XPO1: variants seen among roughly 807,000 people sequenced by gnomAD.
XPO1 encodes the protein exportin 1.
XPO1 carries 5 observed loss-of-function variants against 133.3 expected under a neutral mutation model. The observed-to-expected ratio is 0.04, with a 90% CI of 0.02 to 0.08. The LOEUF is 0.08. Ranked by LOEUF, XPO1 falls within the 10% of genes least tolerant of loss-of-function variation. The probability of loss-of-function intolerance (pLI) is 1.00; values close to 1 mark genes in which losing one functional copy is unlikely to be tolerated. For synonymous variants in XPO1, 419 were observed against 408.2 expected, an observed-to-expected ratio of 1.03 and a Z score of -0.32; for missense variants, 506 against 1,267.5, an observed-to-expected ratio of 0.40 and a Z score of 9.12.
intron 4 of XPO1, among the ~76,000 whole-genome samples, chr2:61,516,293 G>A (rs564678249): frequency 8.0e-5 from 12 of 149,302 alleles, no homozygotes; most frequent in Middle Eastern, 6.9e-3. Flanking sequence ...CAACAACAGC[G>A]AAACTCCGCC....
rs1697268374 is a variant in XPO1 at position 61,496,940 on chromosome 2, A to G, written c.827T>C (p.Val276Ala). Residue 276 changes from valine to alanine, a missense_variant, in exon 10 of 25, where the codon GTA (valine) becomes GCA (alanine). Around this residue, in one of 6 missense-constraint regions of XPO1, gnomAD observed 134 missense variants for 261.6 expected, o/e 0.51. Coordinates refer to ENST00000401558, the MANE Select transcript of XPO1 (RefSeq NM_003400.4). ...KCLTEIAGVS[V>A]SQYEEQFVTL... ...TACAAATTGTTCTTCATATTGGCTT[A>G]CACTCACACCAGCAATCTCAGTGAG... 6 of 1,613,636 alleles carry G rather than the reference A, an allele frequency of 3.7e-6. No individual in the cohort carries two copies. Among genetic ancestry groups the G allele is most frequent in the Non-Finnish European group, 5.1e-6 (6 of 1,179,870 alleles).
intron 4 of XPO1, among the ~76,000 whole-genome samples, chr2:61,518,526 A>AG (rs1396190166): frequency 6.6e-6 from 1 of 151,616 alleles, no homozygotes; most frequent in African/African-American, 2.4e-5. Context: ...CTGAGGCAGG[A>AG]GAATGGTGTG....
intron 4 of XPO1, among the ~76,000 whole-genome samples, chr2:61,517,076 G>T (rs139600203): frequency 2.0e-5 from 3 of 151,892 alleles, no homozygotes; most frequent in East Asian, 2.0e-4. Context: ...GCTAATTTTG[G>T]TATTTTTAGT....
At chr2:61,515,513 T>C (rs1349906832) in intron 4 of XPO1, among the ~76,000 whole-genome samples, 1 of 152,166 alleles carries the variant, frequency 6.6e-6, no homozygotes, top group Non-Finnish European at 1.5e-5. Context: ...AATGCAGATA[T>C]TTCATCAAAA....
intron 16 of XPO1, among the ~76,000 whole-genome samples, chr2:61,491,668 CG>C (rs890747922): frequency 1.3e-5 from 2 of 152,076 alleles, no homozygotes; most frequent in African/African-American, 4.8e-5. Flanking sequence ...CTGAGGCAAG[CG>C]TATCGCTTGA....
chr2:61,493,631 C>G (rs1697101105), intron 12 of XPO1: 1 of 365,790 alleles, frequency 2.7e-6, no homozygotes, highest in East Asian at 5.1e-5. Context: ...CATTCCTAGA[C>G]TCTGGTTTAG....
intron 19 of XPO1, among the ~76,000 whole-genome samples, chr2:61,486,569 C>T (rs1367045419): frequency 1.3e-5 from 2 of 152,074 alleles, no homozygotes; most frequent in African/African-American, 2.4e-5. Context: ...CATTCTCCTG[C>T]CTCAGCCTAT....
At chr2:61,488,840 G>A (rs111912361) in intron 17 of XPO1, 69 bp from the exon 18 acceptor site, 2 of 1,536,886 alleles carry the variant, frequency 1.3e-6, no homozygotes, top group African/African-American at 1.4e-5. Context: ...AGTGGCTCAC[G>A]CCTGTAATCC....
intron 7 of XPO1, among the ~76,000 whole-genome samples, chr2:61,499,328 A>G (rs1254072552): frequency 1.3e-5 from 2 of 152,170 alleles, no homozygotes; most frequent in Non-Finnish European, 2.9e-5. Context: ...CAAGAAAATC[A>G]CCTCAATCCA....
intron 2 of XPO1, among the ~76,000 whole-genome samples, chr2:61,527,418 A>G (rs1464197001): frequency 6.6e-6 from 1 of 152,060 alleles, no homozygotes; most frequent in Non-Finnish European, 1.5e-5. Context: ...AGCCCTGGAA[A>G]TCAAGGTTGC....
intron 6 of XPO1, among the ~76,000 whole-genome samples, chr2:61,501,734 A>AG (rs1553408717): frequency 1.5e-5 from 2 of 129,596 alleles, no homozygotes; most frequent in Non-Finnish European, 1.6e-5. Context: ...AAAAAAAAAA[A>AG]AAAGAAAAGA....
At chr2:61,491,227 C>G (rs892757879) in intron 16 of XPO1, among the ~76,000 whole-genome samples, 4 of 151,656 alleles carry the variant, frequency 2.6e-5, no homozygotes, top group African/African-American at 7.3e-5. Flanking sequence ...CTTTGGGAGG[C>G]CGAGGCGGGC....
chr2:61,502,069 G>T (rs777645789), intron 5 of XPO1, 29 bp from the exon 6 acceptor site: 1 of 1,579,238 alleles, frequency 6.3e-7, no homozygotes, highest in Non-Finnish European at 8.6e-7. Context: ...TTAAATGAGA[G>T]CCTGAGGTAA....
In XPO1 at chr2:61,496,909, T is replaced by C. The variant is rs752220955; in HGVS notation, c.858A>G (p.Leu286=). The change falls in exon 10 of 25, where the codon CTA becomes CTG. Residue 286 remains leucine, a synonymous_variant. Coordinates refer to ENST00000401558, the MANE Select transcript of XPO1 (RefSeq NM_003400.4). ...TTAGTTGCATCATTGTCAGAGTAAA[T>C]AGTGTTACAAATTGTTCTTCATATT... ...VSQYEEQFVT[L]FTLTMMQLKQ... The C allele has an allele frequency of 5.0e-6, 8 of 1,611,048 alleles. No homozygotes were observed. The Middle Eastern group carries it at 5.0e-4, about 100-fold the overall frequency.
chr2:61,532,428 G>A (rs905093914), intron 2 of XPO1, among the ~76,000 whole-genome samples: 2 of 151,866 alleles, frequency 1.3e-5, no homozygotes, highest in South Asian at 2.1e-4. Flanking sequence ...CGCCCGGCCG[G>A]CACTCAGTTT....
chr2:61,532,779 G>A (rs1699214289), intron 2 of XPO1, among the ~76,000 whole-genome samples: 1 of 151,438 alleles, frequency 6.6e-6, no homozygotes, highest in African/African-American at 2.4e-5. Flanking sequence ...AGGTTGCAGT[G>A]AGCCGAGACT....
chr2:61,494,277 C>A, intron 11 of XPO1, 186 bp from the exon 12 acceptor site: 1 of 539,712 alleles, frequency 1.9e-6, no homozygotes, highest in Non-Finnish European at 3.2e-6. Context: ...TGCCCTAAAG[C>A]ACTTCAAAAA....
In XPO1 at chr2:61,537,752, A is replaced by AACAC. The variant is rs34469311; in HGVS notation, c.-201_-198dup. The stretch of plus-strand genomic sequence containing the variant: ...TTACTATTTCAGGGACGCTTCCCCC[A>AACAC]ACACACACACACACACACACACACA... On this transcript the variant is annotated 5_prime_UTR_variant, in exon 1 of 25. Transcript: ENST00000401558. The AACAC allele has an allele frequency of 0.15, 20,864 of 139,018 alleles. 1,675 individuals are homozygous for AACAC. The highest frequency in any genetic ancestry group is 0.18 in the African/African-American group (6,748 of 36,540). 8.6% of individuals were successfully genotyped at this position (139,018 alleles called of 1,614,324 possible).
In XPO1 at chr2:61,492,071, G is replaced by A. The variant is rs761949696; in HGVS notation, c.1851C>T (p.Asn617=). 1.2e-5 allele frequency: 19 copies of A among 1,614,122 alleles called. No individual in the cohort carries two copies. Among genetic ancestry groups the A allele is most frequent in the Non-Finnish European group, 1.4e-5 (16 of 1,180,026 alleles). The change falls in exon 16 of 25, where the codon AAC becomes AAT. Residue 617 remains asparagine (N), a synonymous_variant. Coordinates refer to ENST00000401558, the MANE Select transcript of XPO1 (RefSeq NM_003400.4). This position sits in a 1 kb window ranked among gnomAD's most constrained non-coding sequence, Gnocchi z 5.6. ...VMPFIDEILN[N]INTIICDLQP... ...GAAGATCACAAATAATAGTGTTAATGTTGTTCAAAATTTCATCAATAAATG... is the reference window on the plus strand; with the variant it reads ...GAAGATCACAAATAATAGTGTTAATATTGTTCAAAATTTCATCAATAAATG...
Sources: allele counts gnomAD v4.1 joint callset (sites outside exome capture counted in the v4.1 genomes callset), GRCh38; gene constraint gnomAD v4.1.1; regional missense constraint gnomAD v4.1.1; non-coding constraint Gnocchi (gnomAD v3.1); transcripts MANE v1.5; gene names NCBI Gene and HGNC (gene_info 2026-07-23, HGNC 2026-07-21).